Variants in RBFOX1 observed in about 807,000 individuals in gnomAD.
The protein encoded by RBFOX1 is RNA binding protein fox-1 homolog 1.
Under a neutral mutation model 57.7 loss-of-function variants are expected in RBFOX1, and 8 were observed. The observed-to-expected ratio is 0.14, with a 90% confidence interval of 0.08 to 0.25. RBFOX1 has a LOEUF of 0.25. RBFOX1 is among the 10% of genes least tolerant of loss of function. RBFOX1 has a pLI of 1.00. For synonymous variants in RBFOX1, 326 were observed against 222.4 expected (o/e 1.47, Z -4.15); for missense variants, 611 against 548.5 (o/e 1.11, Z -1.14).
intron 7 of RBFOX1, among the ~76,000 whole-genome samples, chr16:7,590,806 C>T (rs1202570036): frequency 6.8e-6 from 1 of 146,552 alleles, no homozygotes; most frequent in Non-Finnish European, 1.5e-5. Flanking sequence ...TTGCAGTGAG[C>T]CGAGATCAAG....
chr16:7,199,179 A>T (rs979182901), intron 4 of RBFOX1, among the ~76,000 whole-genome samples: 1 of 152,204 alleles, frequency 6.6e-6, no homozygotes, highest in Non-Finnish European at 1.5e-5. Flanking sequence ...TTTTATGGCA[A>T]TGCATTTTTA....
intron 1 of RBFOX1, among the ~76,000 whole-genome samples, chr16:6,236,742 C>T (rs776706970): frequency 4.6e-5 from 7 of 152,106 alleles, no homozygotes; most frequent in African/African-American, 7.2e-5. Context: ...TGAGCCACCA[C>T]GTCTGGCCTT....
At chr16:5,410,797 C>G (rs1242420394) in intron 1 of RBFOX1, among the ~76,000 whole-genome samples, 2 of 152,160 alleles carry the variant, frequency 1.3e-5, no homozygotes, top group African/African-American at 4.8e-5. Flanking sequence ...AAAATTCTTT[C>G]CACTGTTCAA....
chr16:5,825,767 A>T (rs551507113), intron 3 of RBFOX1, among the ~76,000 whole-genome samples: 235 of 143,752 alleles, frequency 1.6e-3, no homozygotes, highest in Middle Eastern at 3.7e-3. Flanking sequence ...ATAAGGAATA[A>T]TATTCCTTAA....
intron 11 of RBFOX1, among the ~76,000 whole-genome samples, chr16:7,633,510 T>G (rs1283512170): frequency 6.6e-6 from 1 of 152,176 alleles, no homozygotes; most frequent in Non-Finnish European, 1.5e-5. Flanking sequence ...TCATAGCAAT[T>G]TTTTTTCAAA....
intron 4 of RBFOX1, among the ~76,000 whole-genome samples, chr16:6,002,027 C>A (rs1193944300): frequency 6.7e-6 from 1 of 148,668 alleles, no homozygotes; most frequent in Non-Finnish European, 1.5e-5. Context: ...AGTGCCGTGG[C>A]ATGATTTCAG....
chr16:7,102,419 T>C (rs2062850197), intron 4 of RBFOX1, among the ~76,000 whole-genome samples: 1 of 152,202 alleles, frequency 6.6e-6, no homozygotes, highest in Non-Finnish European at 1.5e-5. Context: ...TTCACTTTTG[T>C]AGATGTCTTC....
At position 6,760,986 on chromosome 16, in the gene RBFOX1, G is replaced by T. The variant is rs140570020; in HGVS notation, c.-16+106336G>T. 3.3e-3 allele frequency among the ~76,000 whole-genome samples: 507 copies of T among 152,286 alleles called. 5 individuals carry two copies. Among genetic ancestry groups the T allele is most frequent in the African/African-American group, 0.011 (455 of 41,552 alleles). ...CTTCTTAGCTCTCTCCCTAAAAGTT[G>T]ACTGAGCCATCTTTCCAATTAATAA... On this transcript the variant is annotated intron_variant, in intron 3 of 15. Transcript: ENST00000550418.
At chr16:6,043,740 T>C (rs1376751667) in intron 1 of RBFOX1, among the ~76,000 whole-genome samples, 1 of 152,148 alleles carries the variant, frequency 6.6e-6, no homozygotes, top group East Asian at 1.9e-4. Flanking sequence ...GAAGGAGAAC[T>C]CCAGGGGCTC....
intron 2 of RBFOX1, among the ~76,000 whole-genome samples, chr16:5,537,700 A>T (rs8059193): frequency 0.43 from 64,650 of 151,914 alleles, 14,157 homozygotes; most frequent in African/African-American, 0.45. Flanking sequence ...TGGCTGGTTG[A>T]ATCCTTCTCA....
intron 2 of RBFOX1, among the ~76,000 whole-genome samples, chr16:5,522,184 G>A (rs1302551206): frequency 6.6e-6 from 1 of 152,242 alleles, no homozygotes; most frequent in African/African-American, 2.4e-5. Context: ...AACCCATGGA[G>A]GAATTAAGAT....
chr16:6,283,960 T>C (rs978007344), intron 1 of RBFOX1, among the ~76,000 whole-genome samples: 1 of 152,184 alleles, frequency 6.6e-6, no homozygotes, highest in Non-Finnish European at 1.5e-5. Context: ...AGTACAGGAG[T>C]GCAATGCAGA....
intron 2 of RBFOX1, chr16:5,598,756 A>G (rs907214187): frequency 1.1e-5 from 7 of 647,650 alleles, no homozygotes; most frequent in Non-Finnish European, 1.6e-5. Context: ...TGACCCCTGC[A>G]GGGGATGGGT....
intron 1 of RBFOX1, among the ~76,000 whole-genome samples, chr16:6,071,390 T>G (rs2095836301): frequency 6.6e-6 from 1 of 152,104 alleles, no homozygotes; most frequent in Admixed American, 6.6e-5. Flanking sequence ...AAAAGAATTT[T>G]TACAAAAGAT....
intron 2 of RBFOX1, among the ~76,000 whole-genome samples, chr16:6,353,707 C>T (rs959637805): frequency 3.3e-5 from 5 of 152,062 alleles, no homozygotes; most frequent in Admixed American, 1.3e-4. Flanking sequence ...TTGGTTATTT[C>T]GGCCACAAAG....
chr16:6,065,798 A>G (rs1308802600), intron 1 of RBFOX1, among the ~76,000 whole-genome samples: 1 of 152,160 alleles, frequency 6.6e-6, no homozygotes, highest in Non-Finnish European at 1.5e-5. Flanking sequence ...TCCCCATTTT[A>G]TAGATGAGAA....
intron 4 of RBFOX1, among the ~76,000 whole-genome samples, chr16:7,482,763 C>T (rs369733929): frequency 1.3e-5 from 2 of 151,890 alleles, no homozygotes. Flanking sequence ...CTTGGATGTG[C>T]TGGTAAGCCC....
chr16:6,049,053 CTTTTTTTTTTT>C (rs534794320), intron 1 of RBFOX1, among the ~76,000 whole-genome samples: 1 of 112,894 alleles, frequency 8.9e-6, no homozygotes, highest in African/African-American at 3.5e-5. Flanking sequence ...CTTCTAACAG[CTTTTTTTTTTT>C]TTTTTTTTTT....
rs191753425 is a variant in RBFOX1 at position 6,873,977 on chromosome 16, T to A, written c.-15-178080T>A. ...GCGTGACCCCTGCACAACGATGACATGGGAATTTGTGAAGCGTTTCATATT... is the reference window on the plus strand; with the variant it reads ...GCGTGACCCCTGCACAACGATGACAAGGGAATTTGTGAAGCGTTTCATATT... On this transcript the variant is annotated intron_variant, in intron 3 of 15. Coordinates refer to ENST00000550418, the MANE Select transcript of RBFOX1 (RefSeq NM_018723.4). The A allele has an allele frequency of 3.3e-5, 5 of 152,296 alleles. No individual in the cohort carries two copies. The East Asian group carries it at 9.7e-4, about 29-fold the overall frequency. The allele number at this position is 152,296 out of a possible 1,614,324, so 9.4% of individuals were successfully genotyped here.
Sources: gnomAD v4.1 joint callset for allele counts (sites outside exome capture counted in the v4.1 genomes callset) on GRCh38, gnomAD v4.1.1 for gene constraint, MANE v1.5 for transcripts, NCBI Gene and HGNC (gene_info 2026-07-23, HGNC 2026-07-21) for gene names.